DLC1: variants seen among roughly 807,000 people sequenced by gnomAD.
DLC1 encodes rho GTPase-activating protein 7.
Under a neutral mutation model 140.3 loss-of-function variants are expected in DLC1, and 54 were observed. The ratio of observed to expected loss-of-function variants is 0.38; its 90% confidence interval spans 0.31 to 0.48. The LOEUF is 0.48. Among genes scored for constraint, DLC1 ranks in the 20% least tolerant of loss-of-function variants. DLC1 has a pLI of 0.96. For synonymous variants in DLC1, 986 were observed against 728.1 expected (o/e 1.35, Z -5.70); for missense variants, 2,536 against 1,907.0 (o/e 1.33, Z -6.14).
At chr8:13,453,400 A>ATATATATATATATATATATATTTTTTTT (rs1411162305) in intron 2 of DLC1, among the ~76,000 whole-genome samples, 1 of 38,862 alleles carries the variant, frequency 2.6e-5, no homozygotes, top group East Asian at 7.6e-4. Context: ...ATATATATAT[A>ATATATATATATATATATATATTTTTTTT]TGTGTATATA....
chr8:13,193,785 A>T (rs1199686882), intron 5 of DLC1, among the ~76,000 whole-genome samples: 1 of 152,174 alleles, frequency 6.6e-6, no homozygotes, highest in Non-Finnish European at 1.5e-5. Flanking sequence ...AACAAGTTGT[A>T]ATTACCATAG....
chr8:13,197,507 C>T lies in DLC1; in HGVS notation c.1349-81850G>A, dbSNP rs556712848. ...GGGACTACAGGCCCGCCAACAAGCCCGGCTAATTTTTTGTATTTTTAGTAG... is the reference window on the plus strand; with the variant it reads ...GGGACTACAGGCCCGCCAACAAGCCTGGCTAATTTTTTGTATTTTTAGTAG... On this transcript the variant is annotated intron_variant, in intron 5 of 17. Coordinates refer to ENST00000276297, the MANE Select transcript of DLC1 (RefSeq NM_182643.3). Among the ~76,000 whole-genome samples the T allele has an allele frequency of 7.2e-5, 11 of 151,944 alleles. No individual in the cohort carries two copies. In the East Asian group the frequency reaches 7.7e-4, roughly 11 times the overall value.
intron 4 of DLC1, among the ~76,000 whole-genome samples, chr8:13,326,228 C>G (rs1833341767): frequency 6.6e-6 from 1 of 152,114 alleles, no homozygotes; most frequent in Non-Finnish European, 1.5e-5. Flanking sequence ...AGACAGAAAA[C>G]TAATCCACAT....
chr8:13,237,195 ATATGTG>A (rs1374127445), intron 5 of DLC1, among the ~76,000 whole-genome samples: 1 of 102,860 alleles, frequency 9.7e-6, no homozygotes, highest in African/African-American at 3.4e-5. Context: ...ATATATATAT[ATATGTG>A]TGTGTGTGTG....
At chr8:13,571,247 CTG>C (rs1300712775) in intron 1 of DLC1, among the ~76,000 whole-genome samples, 1 of 151,952 alleles carries the variant, frequency 6.6e-6, no homozygotes, top group Non-Finnish European at 1.5e-5. Context: ...GCCACTTGAA[CTG>C]TTATTAATAG....
intron 5 of DLC1, among the ~76,000 whole-genome samples, chr8:13,193,842 C>T (rs1231379235): frequency 6.6e-6 from 1 of 152,112 alleles, no homozygotes; most frequent in Non-Finnish European, 1.5e-5. Context: ...GGATTTCAAC[C>T]AACAATCCAT....
intron 2 of DLC1, among the ~76,000 whole-genome samples, chr8:13,453,459 TGTATATATATAC>T (rs1799221032): frequency 2.6e-5 from 1 of 38,662 alleles, no homozygotes; most frequent in African/African-American, 1.2e-4. Flanking sequence ...CATATATATA[TGTATATATATAC>T]ATATATATGT....
chr8:13,289,885 G>A (rs1831691619), intron 5 of DLC1, among the ~76,000 whole-genome samples: 3 of 152,146 alleles, frequency 2.0e-5, no homozygotes, highest in African/African-American at 7.2e-5. Flanking sequence ...ACCTTAAAAG[G>A]TTGTTGTCCT....
chr8:13,091,362 G>T lies in DLC1; in HGVS notation c.3811C>A (p.Gln1271Lys). Residue 1271 changes from glutamine (Q) to lysine (K), a missense_variant, in exon 14 of 18, where the codon CAA becomes AAA. Physicochemically the swap from Gln to Lys is moderately conservative, Grantham distance 53. Transcript: ENST00000276297. ...KDLNENLAATQGLAHMIAECK... is the reference protein window; with the variant it reads ...KDLNENLAATKGLAHMIAECK... Reference sequence around the variant, plus strand: ...TCGGCGATCATATGGGCCAGCCCTTGAGTGGCAGCTAGGTTTTCATTCAAA... The same window carrying T: ...TCGGCGATCATATGGGCCAGCCCTTTAGTGGCAGCTAGGTTTTCATTCAAA... 1 of 1,614,168 alleles carries T rather than the reference G, an allele frequency of 6.2e-7. No homozygotes were observed. Among genetic ancestry groups the T allele is most frequent in the East Asian group, 2.2e-5 (1 of 44,882 alleles).
chr8:13,133,187 G>A (rs943348738), intron 5 of DLC1: 4 of 1,429,014 alleles, frequency 2.8e-6, no homozygotes, highest in East Asian at 2.6e-5. Context: ...AGCGCTCAGG[G>A]AGTTGGGCGA....
Position 13,548,120 on chromosome 8 carries a change from C to T in DLC1, c.-125-47924G>A, listed in dbSNP as rs78330667. Among the ~76,000 whole-genome samples, 28 of 152,054 alleles carry T rather than the reference C, an allele frequency of 1.8e-4. No homozygotes were observed. In the East Asian group the frequency reaches 4.8e-3, roughly 26 times the overall value. On this transcript the variant is annotated intron_variant, in intron 1 of 1. Transcript: ENST00000631382. ...TTGAAGGAATATATAGTGCCTAATGCCGAGAACATAGTAAGAATTTAGTAT... is the reference window on the plus strand; with the variant it reads ...TTGAAGGAATATATAGTGCCTAATGTCGAGAACATAGTAAGAATTTAGTAT...
At chr8:13,319,479 G>A (rs755442276) in intron 4 of DLC1, among the ~76,000 whole-genome samples, 7 of 116,208 alleles carry the variant, frequency 6.0e-5, no homozygotes, top group African/African-American at 6.5e-5. Context: ...CGGGGCGGGG[G>A]GGGGGGGTGG....
intron 4 of DLC1, among the ~76,000 whole-genome samples, chr8:13,329,613 C>A (rs1415580454): frequency 1.3e-5 from 2 of 152,082 alleles, no homozygotes; most frequent in African/African-American, 4.8e-5. Context: ...TGGTTTAGGG[C>A]TATTTTAAAC....
intron 1 of DLC1, among the ~76,000 whole-genome samples, chr8:13,525,083 A>T (rs1374030565): frequency 3.3e-5 from 5 of 152,180 alleles, no homozygotes; most frequent in African/African-American, 1.2e-4. Flanking sequence ...GTTTATGTAT[A>T]TGAAGTCATA....
At chr8:13,218,268 A>G (rs543662404) in intron 5 of DLC1, among the ~76,000 whole-genome samples, 10 of 152,286 alleles carry the variant, frequency 6.6e-5, no homozygotes, top group African/African-American at 2.4e-4. Flanking sequence ...TATGTTTAAG[A>G]GCTAAAACTA....
intron 4 of DLC1, among the ~76,000 whole-genome samples, chr8:13,306,228 C>G (rs1362357798): frequency 6.6e-6 from 1 of 152,156 alleles, no homozygotes; most frequent in Non-Finnish European, 1.5e-5. Flanking sequence ...CAATCCCCAG[C>G]ATTTATCACT....
intron 1 of DLC1, among the ~76,000 whole-genome samples, chr8:13,596,091 C>A (rs1027539701): frequency 6.6e-6 from 1 of 151,840 alleles, no homozygotes; most frequent in Non-Finnish European, 1.5e-5. Flanking sequence ...TGGATTTGTT[C>A]TTTTGAGATG....
chr8:13,291,802 T>C (rs901589204), intron 5 of DLC1, among the ~76,000 whole-genome samples: 4 of 152,058 alleles, frequency 2.6e-5, no homozygotes, highest in Admixed American at 2.6e-4. Context: ...ATAATTTCAC[T>C]AAAGAAAACA....
At chr8:13,246,477 T>C (rs771395970) in intron 5 of DLC1, among the ~76,000 whole-genome samples, 7 of 152,172 alleles carry the variant, frequency 4.6e-5, no homozygotes, top group Non-Finnish European at 1.0e-4. Flanking sequence ...TTCACTCATG[T>C]GGCATTCTTA....
Sources: allele counts gnomAD v4.1 joint callset (sites outside exome capture counted in the v4.1 genomes callset), GRCh38; gene constraint gnomAD v4.1.1; transcripts MANE v1.5; gene names NCBI Gene and HGNC (gene_info 2026-07-23, HGNC 2026-07-21).